Variants in SLC35F3 observed in about 807,000 individuals in gnomAD.
The protein encoded by SLC35F3 is putative thiamine transporter SLC35F3.
A neutral mutation model predicts 49.9 loss-of-function variants in SLC35F3; 25 were observed. The ratio of observed to expected loss-of-function variants is 0.50; its 90% CI spans 0.37 to 0.70. The LOEUF (loss-of-function observed/expected upper bound fraction) is 0.70, where lower values mean the gene tolerates loss of function less well. SLC35F3 is among the 30% of genes least tolerant of loss of function. The pLI is 0.00. For synonymous variants in SLC35F3, 275 were observed against 265.4 expected, an observed-to-expected ratio of 1.04 and a Z score of -0.35; for missense variants, 525 against 639.8, an observed-to-expected ratio of 0.82 and a Z score of 1.94.
intron 2 of SLC35F3, among the ~76,000 whole-genome samples, chr1:234,013,235 AAT>A (rs1663751501): frequency 6.6e-6 from 1 of 152,212 alleles, no homozygotes; most frequent in African/African-American, 2.4e-5. Context: ...GTGAACAACC[AAT>A]GAGTCAAAGA....
rs6687269 is a variant in SLC35F3 at position 234,156,000 on chromosome 1, A to G, written c.284-75417A>G. On this transcript the variant is annotated intron_variant, in intron 2 of 7. Coordinates refer to ENST00000366618, the MANE Select transcript of SLC35F3 (RefSeq NM_173508.4). ...AACTTCTATTTGGTGAGGAATACCA[A>G]AAAGAAAATTAAAAGGTAAACAACA... Among the ~76,000 whole-genome samples the G allele has an allele frequency of 9.9e-4, 150 of 152,114 alleles. 2 individuals are homozygous for G. The East Asian group carries it at 0.026, about 27-fold the overall frequency.
At chr1:234,255,128 A>G (rs192866429) in intron 3 of SLC35F3, among the ~76,000 whole-genome samples, 220 of 152,356 alleles carry the variant, frequency 1.4e-3, no homozygotes, top group Admixed American at 4.0e-3. Context: ...TGAAAGACTG[A>G]TATCTAAAAC....
chr1:234,319,586 CA>C (rs113189403), intron 6 of SLC35F3, among the ~76,000 whole-genome samples: 16,159 of 152,040 alleles, frequency 0.11, 948 homozygotes, highest in African/African-American at 0.15. Context: ...CCTGCAGTCC[CA>C]GCTACTCAGG....
chr1:233,904,976 C>A lies in SLC35F3; in HGVS notation c.-102C>A. On this transcript the variant is annotated 5_prime_UTR_variant, in exon 1 of 8. Transcript: ENST00000366618. ...CGGCGCGGCGCAGACCCTCGGTGGG[C>A]AGCGCACTCCAGTCTTCCCAGGCTA... is the stretch of plus-strand genomic sequence containing the variant. 2.3e-6 allele frequency: 3 copies of A among 1,328,482 alleles called. No individual in the cohort carries two copies. Among genetic ancestry groups the A allele is most frequent in the Non-Finnish European group, 3.1e-6 (3 of 964,040 alleles). The allele number at this position is 1,328,482 out of a possible 1,614,324, so 82.3% of individuals were successfully genotyped here. A position where few individuals can be genotyped will look rare whatever the true frequency, so the allele number is the denominator to read the frequency against.
At chr1:234,204,041 T>C (rs1301412213) in intron 2 of SLC35F3, among the ~76,000 whole-genome samples, 1 of 152,208 alleles carries the variant, frequency 6.6e-6, no homozygotes, top group Admixed American at 6.5e-5. Flanking sequence ...CCTGTGTTAT[T>C]GAATAACTTA....
intron 2 of SLC35F3, among the ~76,000 whole-genome samples, chr1:234,081,195 A>G (rs776487467): frequency 1.1e-4 from 17 of 152,316 alleles, no homozygotes; most frequent in Admixed American, 2.6e-4. Context: ...GCTGCAGCCA[A>G]TCTTCAAGTG....
At position 234,316,732 on chromosome 1, in the gene SLC35F3, G is replaced by A. The variant is rs774324690; in HGVS notation, c.954+5G>A. On this transcript the variant is annotated splice_donor_5th_base_variant and intron_variant, in intron 5 of 7. Coordinates refer to ENST00000366618, the MANE Select transcript of SLC35F3 (RefSeq NM_173508.4). ...TCGATGTCTGCCCTCTACAAGGTAC[G>A]CCCGGGGAGTGAACTTTCTCAGCTG... 3.6e-5 allele frequency: 58 copies of A among 1,598,758 alleles called. 1 individual carries two copies. In the South Asian group the frequency reaches 4.6e-4, roughly 13 times the overall value.
intron 3 of SLC35F3, among the ~76,000 whole-genome samples, chr1:234,247,813 T>TGGTGGGTTGGTTGGTTGGTG (rs1667661987): frequency 6.6e-6 from 1 of 150,882 alleles, no homozygotes; most frequent in African/African-American, 2.4e-5. Flanking sequence ...GTCCATTGTT[T>TGGTGGGTTGGTTGGTTGGTG]CATGGGTCAG....
chr1:234,109,792 C>T (rs1439727009), intron 2 of SLC35F3, among the ~76,000 whole-genome samples: 1 of 152,030 alleles, frequency 6.6e-6, no homozygotes, highest in Non-Finnish European at 1.5e-5. Context: ...CCAGAGAGGG[C>T]GCAGTGGATG....
intron 2 of SLC35F3, among the ~76,000 whole-genome samples, chr1:234,180,331 G>A (rs1160101302): frequency 6.6e-6 from 1 of 152,186 alleles, no homozygotes; most frequent in Non-Finnish European, 1.5e-5. Flanking sequence ...TACTGAAATA[G>A]GGACAGAGGG....
At chr1:234,083,947 C>A (rs1390741221) in intron 2 of SLC35F3, among the ~76,000 whole-genome samples, 2 of 151,570 alleles carry the variant, frequency 1.3e-5, no homozygotes, top group African/African-American at 4.9e-5. Context: ...AAGCGATTCT[C>A]CTGCCTCAGC....
rs147108235 is a variant in SLC35F3, at chr1:234,126,476, C to CGTGTGTGTGTGT, written c.284-104941_284-104940insGTGTGTGTGTGT. 4.2e-5 allele frequency among the ~76,000 whole-genome samples: 5 copies of CGTGTGTGTGTGT among 119,372 alleles called. 1 individual carries two copies. Among genetic ancestry groups the CGTGTGTGTGTGT allele is most frequent in the African/African-American group, 1.3e-4 (4 of 31,664 alleles). The allele number at this position is 119,372 out of a possible 152,430, so 78.3% of individuals were successfully genotyped here. A position where few individuals can be genotyped will look rare whatever the true frequency, so the allele number is the denominator to read the frequency against. ...AATCCACTGATCTGCCCCTGTTTTA[C>CGTGTGTGTGTGT]ATGTGTGTGTGTGTGTATTTAGTTC... On this transcript the variant is annotated intron_variant, in intron 2 of 7. Coordinates refer to ENST00000366618, the MANE Select transcript of SLC35F3 (RefSeq NM_173508.4).
At chr1:234,033,311 G>C (rs1664089674) in intron 2 of SLC35F3, among the ~76,000 whole-genome samples, 1 of 152,122 alleles carries the variant, frequency 6.6e-6, no homozygotes, top group Non-Finnish European at 1.5e-5. Flanking sequence ...TGGGTTGTCT[G>C]TTTCCTCTGC....
intron 2 of SLC35F3, among the ~76,000 whole-genome samples, chr1:234,202,100 A>G (rs1483955942): frequency 2.0e-5 from 3 of 152,194 alleles, no homozygotes; most frequent in Admixed American, 2.0e-4. Flanking sequence ...CGTCCTTTGC[A>G]GGGACATAGA....
chr1:234,261,522 G>A (rs1447403268), intron 3 of SLC35F3, among the ~76,000 whole-genome samples: 1 of 152,166 alleles, frequency 6.6e-6, no homozygotes, highest in Non-Finnish European at 1.5e-5. Flanking sequence ...AGTGTATAAT[G>A]AGCAGTGAGG....
At chr1:234,317,618 TG>T (rs1657523057) in intron 5 of SLC35F3, among the ~76,000 whole-genome samples, 2 of 152,210 alleles carry the variant, frequency 1.3e-5, no homozygotes, top group Admixed American at 6.5e-5. Flanking sequence ...CCATGTGTTC[TG>T]GGTTTGGGAA....
chr1:233,961,525 C>T (rs1031754234), intron 2 of SLC35F3, among the ~76,000 whole-genome samples: 2 of 147,256 alleles, frequency 1.4e-5, no homozygotes, highest in Non-Finnish European at 3.0e-5. Flanking sequence ...GGCGTGATCT[C>T]GGCTCACTGC....
At chr1:234,322,118 C>T (rs573611732) in intron 7 of SLC35F3, among the ~76,000 whole-genome samples, 47 of 151,220 alleles carry the variant, frequency 3.1e-4, no homozygotes, top group Non-Finnish European at 5.2e-4. Context: ...CGCTTGAGCC[C>T]GGGAGGTGGA....
intron 2 of SLC35F3, among the ~76,000 whole-genome samples, chr1:233,914,881 G>A (rs184540203): frequency 6.7e-4 from 102 of 152,324 alleles, no homozygotes; most frequent in African/African-American, 2.4e-3. Flanking sequence ...GACTTGTGCA[G>A]TTAGGAACCT....
Sources: gnomAD v4.1 joint callset for allele counts (sites outside exome capture counted in the v4.1 genomes callset) on GRCh38, gnomAD v4.1.1 for gene constraint, MANE v1.5 for transcripts, NCBI Gene and HGNC (gene_info 2026-07-23, HGNC 2026-07-21) for gene names.